PDCD10: variants seen among roughly 807,000 people sequenced by gnomAD.
The protein encoded by PDCD10 is programmed cell death protein 10.
A neutral mutation model predicts 29.2 loss-of-function variants in PDCD10; 4 were observed. The observed-to-expected ratio is 0.14, with a 90% CI of 0.07 to 0.31. PDCD10 has a LOEUF of 0.31. Ranked by LOEUF, PDCD10 falls within the 10% of genes least tolerant of loss-of-function variation. The probability of loss-of-function intolerance (pLI) is 1.00; values close to 1 mark genes in which losing one functional copy is unlikely to be tolerated. For synonymous variants in PDCD10, 70 were observed against 82.2 expected (o/e 0.85, Z 0.80); for missense variants, 183 against 257.9 (o/e 0.71, Z 1.99).
intron 4 of PDCD10, among the ~76,000 whole-genome samples, chr3:167,700,920 AT>A (rs1177989104): frequency 1.3e-5 from 2 of 152,226 alleles, no homozygotes; most frequent in African/African-American, 4.8e-5. Context: ...GAAGGAAAAA[AT>A]AGCCACAAAG....
chr3:167,714,777 C>T (rs765988045), intron 3 of PDCD10, among the ~76,000 whole-genome samples: 5 of 151,462 alleles, frequency 3.3e-5, no homozygotes, highest in Non-Finnish European at 4.4e-5. Context: ...AAAACACTGA[C>T]GAAGGCAATT....
intron 3 of PDCD10, among the ~76,000 whole-genome samples, chr3:167,712,022 A>G (rs970723106): frequency 6.6e-6 from 1 of 152,142 alleles, no homozygotes; most frequent in Non-Finnish European, 1.5e-5. Flanking sequence ...AGGGAGTTTG[A>G]TCTGAAAGAA....
At chr3:167,701,915 G>A (rs1030537165) in intron 4 of PDCD10, among the ~76,000 whole-genome samples, 3 of 152,170 alleles carry the variant, frequency 2.0e-5, no homozygotes, top group Non-Finnish European at 4.4e-5. Flanking sequence ...AAACGTAGAG[G>A]ATGAAAGGTT....
chr3:167,707,360 C>T (rs558012311), intron 3 of PDCD10, among the ~76,000 whole-genome samples: 11 of 151,820 alleles, frequency 7.2e-5, no homozygotes, highest in Admixed American at 3.3e-4. Context: ...GGGATAACGT[C>T]TTTGGCTAGG....
At chr3:167,719,216 T>C (rs903836447) in intron 3 of PDCD10, among the ~76,000 whole-genome samples, 14 of 152,080 alleles carry the variant, frequency 9.2e-5, no homozygotes, top group African/African-American at 3.4e-4. Context: ...ACAGTAACAA[T>C]AAGGTTAATG....
intron 3 of PDCD10, among the ~76,000 whole-genome samples, chr3:167,711,428 G>C (rs1722509720): frequency 6.6e-6 from 1 of 152,186 alleles, no homozygotes; most frequent in Non-Finnish European, 1.5e-5. Context: ...TGCATCAAGT[G>C]AAAGAAATAA....
At chr3:167,727,575 G>A (rs1055046333) in intron 2 of PDCD10, among the ~76,000 whole-genome samples, 1 of 152,068 alleles carries the variant, frequency 6.6e-6, no homozygotes, top group African/African-American at 2.4e-5. Flanking sequence ...CTTTTTATTA[G>A]TATTATTCCT....
At chr3:167,716,420 G>A (rs1486384815) in intron 3 of PDCD10, among the ~76,000 whole-genome samples, 1 of 151,856 alleles carries the variant, frequency 6.6e-6, no homozygotes, top group East Asian at 1.9e-4. Flanking sequence ...TAACTGGATG[G>A]TTTGTTATAT....
intron 2 of PDCD10, among the ~76,000 whole-genome samples, chr3:167,729,286 C>G (rs1181084328): frequency 1.3e-5 from 2 of 152,118 alleles, no homozygotes; most frequent in African/African-American, 2.4e-5. Flanking sequence ...TAGTCTACAA[C>G]GTGTATTTCC....
intron 4 of PDCD10, among the ~76,000 whole-genome samples, chr3:167,702,830 A>C (rs1721581657): frequency 6.6e-6 from 1 of 152,204 alleles, no homozygotes; most frequent in Non-Finnish European, 1.5e-5. Context: ...ATTTCACTTG[A>C]AATGTAACAA....
chr3:167,725,044 G>A (rs191387644), intron 2 of PDCD10, among the ~76,000 whole-genome samples: 1 of 152,202 alleles, frequency 6.6e-6, no homozygotes, highest in East Asian at 1.9e-4. Flanking sequence ...ATCACTTGAG[G>A]TCAGGAGTTC....
intron 4 of PDCD10, chr3:167,697,912 T>C (rs890824344): frequency 1.8e-5 from 8 of 456,554 alleles, no homozygotes; most frequent in African/African-American, 1.2e-4. Flanking sequence ...TCACACTTGA[T>C]GTTTGTTTCC....
intron 3 of PDCD10, among the ~76,000 whole-genome samples, chr3:167,717,947 T>C (rs1444842884): frequency 2.6e-5 from 4 of 152,244 alleles, no homozygotes; most frequent in Non-Finnish European, 5.9e-5. Context: ...AAACTGAAGA[T>C]GTGCAATGTA....
chr3:167,704,063 G>A (rs1400630079), intron 4 of PDCD10, among the ~76,000 whole-genome samples: 1 of 152,076 alleles, frequency 6.6e-6, no homozygotes, highest in Non-Finnish European at 1.5e-5. Flanking sequence ...TAAAGACAAG[G>A]AAAACATTTA....
intron 2 of PDCD10, among the ~76,000 whole-genome samples, chr3:167,726,246 C>T (rs780875877): frequency 6.6e-6 from 1 of 150,662 alleles, no homozygotes; most frequent in Non-Finnish European, 1.5e-5. Flanking sequence ...ATTATAGGCA[C>T]CTGCCACCAC....
intron 4 of PDCD10, among the ~76,000 whole-genome samples, chr3:167,699,614 T>A (rs1259423997): frequency 6.6e-6 from 1 of 152,296 alleles, no homozygotes; most frequent in East Asian, 1.9e-4. Flanking sequence ...ATGAACCCTG[T>A]AGGGTGTCTA....
intron 2 of PDCD10, among the ~76,000 whole-genome samples, chr3:167,723,859 C>G (rs1723832299): frequency 6.6e-6 from 1 of 152,188 alleles, no homozygotes; most frequent in Non-Finnish European, 1.5e-5. Flanking sequence ...AAGCAATCTT[C>G]TCACTTATAA....
chr3:167,684,097 T>C lies in PDCD10; in HGVS notation c.*211A>G. 2.1e-6 allele frequency: 1 copy of C among 476,948 alleles called. No homozygotes were observed. The highest frequency in any genetic ancestry group is 3.8e-6 in the Non-Finnish European group (1 of 261,616). The allele number at this position is 476,948 out of a possible 1,614,324, so 29.5% of individuals were successfully genotyped here. The stretch of plus-strand genomic sequence containing the variant: ...CTTATAATTCTTAAAAGAATGATAA[T>C]AGCAAAAGTGATGCAAAATCTTCAG... On this transcript the variant is annotated 3_prime_UTR_variant, in exon 9 of 9. Transcript: ENST00000392750.
intron 3 of PDCD10, among the ~76,000 whole-genome samples, chr3:167,710,060 G>A (rs2420029): frequency 0.28 from 41,842 of 151,862 alleles, 6,412 homozygotes; most frequent in African/African-American, 0.41. Context: ...AAGACCACTC[G>A]GGCCCTGAAT....
Sources: gnomAD v4.1 joint callset for allele counts (sites outside exome capture counted in the v4.1 genomes callset) on GRCh38, gnomAD v4.1.1 for gene constraint, MANE v1.5 for transcripts, NCBI Gene and HGNC (gene_info 2026-07-23, HGNC 2026-07-21) for gene names.